Variants in SLC9A7 observed in about 807,000 individuals in gnomAD.
SLC9A7 encodes solute carrier family 9 member A7, also known as sodium/hydrogen exchanger 7.
A neutral mutation model predicts 52.6 loss-of-function variants in SLC9A7; 19 were observed. That is an observed-to-expected ratio of 0.36 (90% CI 0.25 to 0.53). SLC9A7 has a LOEUF of 0.53. SLC9A7 is among the 20% of genes least tolerant of loss of function. SLC9A7 has a pLI of 0.91. For missense variants in SLC9A7, 455 were observed against 597.9 expected, an observed-to-expected ratio of 0.76 and a Z score of 2.49; for synonymous variants, 226 against 252.1, an observed-to-expected ratio of 0.90 and a Z score of 0.98.
intron 3 of SLC9A7, among the ~76,000 whole-genome samples, chrX:46,676,229 G>A (rs181035006): frequency 4.5e-5 from 5 of 111,169 alleles, no homozygotes; most frequent in East Asian, 2.8e-4. Context: ...GCAGTATTGC[G>A]GGACTGAGCC....
intron 11 of SLC9A7, among the ~76,000 whole-genome samples, chrX:46,644,677 A>C (rs1262482920): frequency 3.6e-5 from 4 of 110,852 alleles, no homozygotes; most frequent in African/African-American, 9.8e-5. Context: ...TCTTTAGTAC[A>C]TATCTAGCAT....
Position 46,621,033 on chromosome X carries a change from G to C in SLC9A7, c.1767C>G (p.Asn589Lys), listed in dbSNP as rs1165194148. The stretch of plus-strand genomic sequence containing the variant: ...TCCATGCGCTCTCCTGTTTTGTCCG[G>C]TTTCCTCTGGCAGAATCTGGGCCGT... ...QGDGPDSARG[N>K]RTKQESAWIF... is the part of the protein sequence containing the mutation. The change falls in exon 15 of 17, where the codon AAC (asparagine) becomes AAG (lysine). Residue 589 changes from asparagine to lysine, a missense_variant. Around this residue, in one of 3 missense-constraint regions of SLC9A7, gnomAD observed 146 missense variants for 160.5 expected, o/e 0.91. Transcript: ENST00000616978. 1 of 1,205,741 alleles carries C rather than the reference G, an allele frequency of 8.3e-7. No individual in the cohort carries two copies.
intron 7 of SLC9A7, among the ~76,000 whole-genome samples, chrX:46,658,315 A>T (rs1434054239): frequency 5.5e-4 from 53 of 95,515 alleles, no homozygotes; most frequent in Non-Finnish European, 6.8e-4. Flanking sequence ...TAAAAGAACT[A>T]GAAAAGCAAG....
At chrX:46,657,140 G>A (rs775690764) in intron 7 of SLC9A7, among the ~76,000 whole-genome samples, 2,179 of 109,312 alleles carry the variant, frequency 0.02, 77 homozygotes, top group African/African-American at 0.068. Flanking sequence ...TAAGTGAAGG[G>A]GAAATAAAAT....
chrX:46,609,518 G>T (rs972934015), intron 16 of SLC9A7, among the ~76,000 whole-genome samples: 1 of 108,002 alleles, frequency 9.3e-6, no homozygotes, highest in African/African-American at 3.5e-5. Context: ...GGCCAACGTG[G>T]TGAAACCCCA....
chrX:46,608,859 T>C (rs1942796660), intron 16 of SLC9A7, among the ~76,000 whole-genome samples: 2 of 110,872 alleles, frequency 1.8e-5, no homozygotes, highest in Non-Finnish European at 3.8e-5. Flanking sequence ...TTGGTCAGGC[T>C]AGTCTCAAAC....
chrX:46,728,399 G>A (rs1944978009), intron 1 of SLC9A7, among the ~76,000 whole-genome samples: 1 of 112,242 alleles, frequency 8.9e-6, no homozygotes, highest in Non-Finnish European at 1.9e-5. Context: ...CATAAGAAAA[G>A]ATGTTCAACA....
chrX:46,726,032 C>T (rs931268951), intron 1 of SLC9A7, among the ~76,000 whole-genome samples: 1 of 111,077 alleles, frequency 9.0e-6, no homozygotes, highest in Admixed American at 9.6e-5. Flanking sequence ...TCAATTTTCT[C>T]ATCAGGAAAC....
intron 14 of SLC9A7, among the ~76,000 whole-genome samples, chrX:46,625,003 G>A (rs1031617333): frequency 5.4e-5 from 6 of 111,682 alleles, no homozygotes; most frequent in African/African-American, 2.0e-4. Context: ...AGGTGAAGGT[G>A]GCGAGGGTTG....
At chrX:46,701,369 C>T (rs748638248) in intron 1 of SLC9A7, among the ~76,000 whole-genome samples, 3 of 111,080 alleles carry the variant, frequency 2.7e-5, no homozygotes, top group East Asian at 2.8e-4. Context: ...GGGTGGATCA[C>T]GAGGTCAGGA....
intron 1 of SLC9A7, chrX:46,725,414 T>C: frequency 1.7e-6 from 2 of 1,176,912 alleles, no homozygotes; most frequent in East Asian, 3.0e-5. Flanking sequence ...TCATATCCTC[T>C]AGCTGGTCTC....
chrX:46,607,918 G>A (rs750066336), intron 16 of SLC9A7, among the ~76,000 whole-genome samples: 8 of 112,365 alleles, frequency 7.1e-5, no homozygotes, highest in Non-Finnish European at 1.3e-4. Context: ...CCCAGCTCCC[G>A]CGCTGCACTG....
At chrX:46,661,318 C>T (rs1943817346) in intron 7 of SLC9A7, among the ~76,000 whole-genome samples, 1 of 109,501 alleles carries the variant, frequency 9.1e-6, no homozygotes, top group African/African-American at 3.3e-5. Flanking sequence ...CACATGTATA[C>T]ATATGTAACT....
chrX:46,688,538 G>C (rs1265492599), intron 1 of SLC9A7, among the ~76,000 whole-genome samples: 1 of 107,922 alleles, frequency 9.3e-6, no homozygotes, highest in African/African-American at 3.4e-5. Flanking sequence ...TGGAGGTTAC[G>C]GTGAGCCAAG....
intron 15 of SLC9A7, among the ~76,000 whole-genome samples, chrX:46,615,445 C>T (rs1040061048): frequency 9.1e-6 from 1 of 110,444 alleles, no homozygotes; most frequent in South Asian, 3.8e-4. Context: ...AGAGACCCTA[C>T]AGGCCTGTCA....
chrX:46,689,887 T>C (rs1004601626), intron 1 of SLC9A7, among the ~76,000 whole-genome samples: 4 of 111,447 alleles, frequency 3.6e-5, no homozygotes, highest in South Asian at 3.8e-4. Context: ...TTTCTGTTCC[T>C]GTGTTAGTCT....
At chrX:46,738,097 AAG>A (rs1224135376) in intron 1 of SLC9A7, among the ~76,000 whole-genome samples, 1 of 54,172 alleles carries the variant, frequency 1.8e-5, no homozygotes, top group Non-Finnish European at 5.6e-5. Flanking sequence ...GAAAGAAAGA[AAG>A]AAAGAAAGAG....
chrX:46,691,015 C>G (rs953983044), intron 1 of SLC9A7, among the ~76,000 whole-genome samples: 1 of 111,969 alleles, frequency 8.9e-6, no homozygotes, highest in African/African-American at 3.2e-5. Context: ...GAACATGGAT[C>G]TGGCAGGGAT....
At chrX:46,642,624 C>T (rs925499369) in intron 12 of SLC9A7, among the ~76,000 whole-genome samples, 7 of 111,956 alleles carry the variant, frequency 6.3e-5, no homozygotes, top group Admixed American at 3.8e-4. Flanking sequence ...AGCTCACAAA[C>T]ACAATTTGGA....
Sources: gnomAD v4.1 joint callset for allele counts (sites outside exome capture counted in the v4.1 genomes callset) on GRCh38, gnomAD v4.1.1 for gene constraint, gnomAD v4.1.1 regional missense constraint, MANE v1.5 for transcripts, NCBI Gene and HGNC (gene_info 2026-07-23, HGNC 2026-07-21) for gene names.